ANKS1B: variants seen among roughly 807,000 people sequenced by gnomAD.
The protein encoded by ANKS1B is ankyrin repeat and sterile alpha motif domain-containing protein 1B.
A neutral mutation model predicts 148.3 loss-of-function variants in ANKS1B; 36 were observed. The ratio of observed to expected loss-of-function variants is 0.24; its 90% CI spans 0.19 to 0.32. ANKS1B has a LOEUF of 0.32. ANKS1B is among the 10% of genes least tolerant of loss of function. ANKS1B has a pLI of 1.00. For missense variants in ANKS1B, 1,157 were observed against 1,542.6 expected (o/e 0.75, Z 4.19); for synonymous variants, 542 against 560.8 (o/e 0.97, Z 0.47).
chr12:99,070,281 A>G (rs1007000927), intron 16 of ANKS1B, among the ~76,000 whole-genome samples: 1 of 152,180 alleles, frequency 6.6e-6, no homozygotes, highest in East Asian at 1.9e-4. Context: ...GAAGTAGAAA[A>G]TCTCATTGAT....
chr12:99,162,001 G>C (rs2076701441), intron 14 of ANKS1B, among the ~76,000 whole-genome samples: 1 of 152,008 alleles, frequency 6.6e-6, no homozygotes, highest in Admixed American at 6.6e-5. Context: ...AAAAATAAAT[G>C]AAGTGCTGAT....
chr12:99,080,179 C>T (rs928053852), intron 16 of ANKS1B, among the ~76,000 whole-genome samples: 4 of 152,154 alleles, frequency 2.6e-5, no homozygotes, highest in Admixed American at 1.3e-4. Flanking sequence ...CAAAATCCAG[C>T]GCTTCAGTGT....
chr12:99,334,967 C>T (rs963819484), intron 12 of ANKS1B, among the ~76,000 whole-genome samples: 1 of 152,060 alleles, frequency 6.6e-6, no homozygotes, highest in African/African-American at 2.4e-5. Context: ...GCTAATCTCC[C>T]AGTTTCCCAT....
At chr12:99,525,397 T>C (rs1282913519) in intron 9 of ANKS1B, among the ~76,000 whole-genome samples, 1 of 152,178 alleles carries the variant, frequency 6.6e-6, no homozygotes, top group African/African-American at 2.4e-5. Context: ...GAAAAATAAA[T>C]GTGTGACAAT....
chr12:99,559,046 C>G (rs917574018), intron 9 of ANKS1B, among the ~76,000 whole-genome samples: 8 of 152,148 alleles, frequency 5.3e-5, no homozygotes, highest in Admixed American at 2.6e-4. Flanking sequence ...AGTAATGAAT[C>G]TTGGTGCTCC....
At chr12:98,894,708 C>T in intron 17 of ANKS1B, 3 of 985,694 alleles carry the variant, frequency 3.0e-6, no homozygotes, top group Non-Finnish European at 3.6e-6. Context: ...AGACATGTGG[C>T]TTGAACCTCC....
chr12:99,053,370 G>A, intron 16 of ANKS1B, 61 bp from the exon 17 acceptor site: 1 of 1,298,832 alleles, frequency 7.7e-7, no homozygotes, highest in Non-Finnish European at 1.0e-6. Context: ...ACAACAGAAT[G>A]CAGATTTCCC....
intron 12 of ANKS1B, among the ~76,000 whole-genome samples, chr12:99,259,473 G>A (rs1208202517): frequency 2.6e-5 from 4 of 152,160 alleles, no homozygotes; most frequent in Non-Finnish European, 5.9e-5. Flanking sequence ...AGAGAATGCT[G>A]ACATTCTGAC....
chr12:99,032,658 T>C (rs56183344), intron 17 of ANKS1B, among the ~76,000 whole-genome samples: 5,633 of 152,304 alleles, frequency 0.037, 350 homozygotes, highest in African/African-American at 0.13. Context: ...AGGTTCTACG[T>C]GGACATATCT....
At chr12:99,427,686 G>T (rs906969744) in intron 11 of ANKS1B, among the ~76,000 whole-genome samples, 9 of 152,144 alleles carry the variant, frequency 5.9e-5, no homozygotes, top group Non-Finnish European at 1.3e-4. Flanking sequence ...CTTGCTCACT[G>T]TTATTACCTG....
At chr12:99,072,464 G>GAC (rs2046572913) in intron 16 of ANKS1B, among the ~76,000 whole-genome samples, 1 of 152,068 alleles carries the variant, frequency 6.6e-6, no homozygotes, top group Non-Finnish European at 1.5e-5. Flanking sequence ...TGGCCAAGGT[G>GAC]ACACAAGCAG....
chr12:99,948,640 G>T (rs896924651), intron 1 of ANKS1B, among the ~76,000 whole-genome samples: 1 of 152,128 alleles, frequency 6.6e-6, no homozygotes, highest in Non-Finnish European at 1.5e-5. Context: ...TAAACATATG[G>T]CTTAGTTCCC....
At chr12:99,676,818 G>A (rs1599454146) in intron 8 of ANKS1B, among the ~76,000 whole-genome samples, 1 of 152,258 alleles carries the variant, frequency 6.6e-6, no homozygotes, top group Admixed American at 6.5e-5. Context: ...GAAAAGTGGA[G>A]TACTTACTGT....
At chr12:98,958,175 T>C (rs894444000) in intron 17 of ANKS1B, among the ~76,000 whole-genome samples, 3 of 152,216 alleles carry the variant, frequency 2.0e-5, no homozygotes, top group African/African-American at 7.2e-5. Context: ...TCTCTACACC[T>C]CTCCCTCACC....
intron 15 of ANKS1B, among the ~76,000 whole-genome samples, chr12:99,115,507 TA>T (rs1333680463): frequency 6.6e-6 from 1 of 152,002 alleles, no homozygotes; most frequent in Non-Finnish European, 1.5e-5. Flanking sequence ...GCAGAAAAAA[TA>T]ACTATTGGGT....
chr12:99,950,669 A>AT lies in ANKS1B; in HGVS notation c.134+33434dup, dbSNP rs1181582525. On this transcript the variant is annotated intron_variant, in intron 1 of 26. Transcript: ENST00000683438. The stretch of plus-strand genomic sequence containing the variant: ...TGAGTCCAACACATTTGTTCTGTTC[A>AT]TTTTTTTCCAAACATTCAAACACAC... 2.0e-5 allele frequency among the ~76,000 whole-genome samples: 3 copies of AT among 151,832 alleles called. No individual in the cohort carries two copies. The East Asian group carries it at 5.8e-4, about 29-fold the overall frequency.
At chr12:98,968,551 T>C (rs2099880574) in intron 17 of ANKS1B, among the ~76,000 whole-genome samples, 2 of 152,202 alleles carry the variant, frequency 1.3e-5, no homozygotes, top group Non-Finnish European at 2.9e-5. Context: ...TTTCCTTTTG[T>C]ACTTTAGAGA....
At chr12:99,741,826 G>A (rs1009479789) in intron 8 of ANKS1B, among the ~76,000 whole-genome samples, 1 of 151,966 alleles carries the variant, frequency 6.6e-6, no homozygotes, top group African/African-American at 2.4e-5. Context: ...AAACTACCAT[G>A]ACACAGGTAT....
chr12:99,450,517 AG>A (rs1345160108), intron 10 of ANKS1B, among the ~76,000 whole-genome samples: 1 of 152,218 alleles, frequency 6.6e-6, no homozygotes, highest in Non-Finnish European at 1.5e-5. Context: ...GTAAGCCAAC[AG>A]CTTCTTGAAT....
Sources: gnomAD v4.1 joint callset for allele counts (sites outside exome capture counted in the v4.1 genomes callset) on GRCh38, gnomAD v4.1.1 for gene constraint, MANE v1.5 for transcripts, NCBI Gene and HGNC (gene_info 2026-07-23, HGNC 2026-07-21) for gene names.